Variants in NXPH1 observed in about 807,000 individuals in gnomAD.
The protein encoded by NXPH1 is neurexophilin-1.
Under a neutral mutation model 23.7 loss-of-function variants are expected in NXPH1, and 5 were observed. That is an observed-to-expected ratio of 0.21 (90% CI 0.11 to 0.44). The LOEUF is 0.44. Ranked by LOEUF, NXPH1 falls within the 20% of genes least tolerant of loss-of-function variation. NXPH1 has a pLI of 0.99. For missense variants in NXPH1, 324 were observed against 321.6 expected (o/e 1.01, Z -0.06); for synonymous variants, 144 against 122.2 (o/e 1.18, Z -1.18).
intron 2 of NXPH1, among the ~76,000 whole-genome samples, chr7:8,508,829 G>A (rs1817569597): frequency 6.6e-6 from 1 of 152,048 alleles, no homozygotes; most frequent in African/African-American, 2.4e-5. Flanking sequence ...GTGGAAGGAA[G>A]TTAGGGTCTT....
chr7:8,475,620 T>TG (rs1287493428), intron 2 of NXPH1, among the ~76,000 whole-genome samples: 1 of 152,148 alleles, frequency 6.6e-6, no homozygotes, highest in Non-Finnish European at 1.5e-5. Flanking sequence ...GACTGATTGC[T>TG]GGGGAAAGTT....
chr7:8,715,996 T>C (rs1451473519), intron 2 of NXPH1, among the ~76,000 whole-genome samples: 2 of 152,138 alleles, frequency 1.3e-5, no homozygotes, highest in Admixed American at 6.5e-5. Context: ...CATATATGTG[T>C]ACATATATGT....
chr7:8,656,680 C>T (rs1440958214), intron 2 of NXPH1, among the ~76,000 whole-genome samples: 1 of 151,882 alleles, frequency 6.6e-6, no homozygotes, highest in Non-Finnish European at 1.5e-5. Flanking sequence ...TCTCCCAATG[C>T]TATCCCTCCC....
At chr7:8,461,854 A>AAAAAAAGAG in intron 2 of NXPH1, among the ~76,000 whole-genome samples, 1 of 150,686 alleles carries the variant, frequency 6.6e-6, no homozygotes, top group Non-Finnish European at 1.5e-5. Context: ...AAAAAAAAGA[A>AAAAAAAGAG]TAAACACACA....
intron 2 of NXPH1, among the ~76,000 whole-genome samples, chr7:8,477,269 T>C (rs6944311): frequency 0.59 from 90,033 of 151,986 alleles, 29,223 homozygotes; most frequent in African/African-American, 0.87. Flanking sequence ...TATGCTTGTA[T>C]ACATTGTGTT....
chr7:8,537,512 A>C (rs1375020147), intron 2 of NXPH1, among the ~76,000 whole-genome samples: 1 of 151,926 alleles, frequency 6.6e-6, no homozygotes, highest in Admixed American at 6.6e-5. Context: ...AGATCTCATG[A>C]AAACTCATTC....
intron 2 of NXPH1, among the ~76,000 whole-genome samples, chr7:8,472,053 C>T (rs1816880641): frequency 6.6e-6 from 1 of 151,614 alleles, no homozygotes; most frequent in Non-Finnish European, 1.5e-5. Context: ...AGCAATAAGC[C>T]ATTATTTCAT....
intron 2 of NXPH1, among the ~76,000 whole-genome samples, chr7:8,443,747 G>A (rs1424375558): frequency 6.6e-6 from 1 of 152,224 alleles, no homozygotes; most frequent in African/African-American, 2.4e-5. Context: ...TATTTTCCGT[G>A]GTTAGGCTCG....
chr7:8,516,780 C>G (rs1003230985), intron 2 of NXPH1, among the ~76,000 whole-genome samples: 1 of 152,014 alleles, frequency 6.6e-6, no homozygotes, highest in Non-Finnish European at 1.5e-5. Flanking sequence ...GTTACTTATT[C>G]CCACTCAAAC....
At chr7:8,560,593 C>G (rs574082764) in intron 2 of NXPH1, among the ~76,000 whole-genome samples, 1 of 151,606 alleles carries the variant, frequency 6.6e-6, no homozygotes, top group African/African-American at 2.4e-5. Flanking sequence ...CAATGGGGCC[C>G]TAAGGGAAAA....
intron 2 of NXPH1, among the ~76,000 whole-genome samples, chr7:8,724,024 T>C (rs898904809): frequency 3.3e-5 from 5 of 152,204 alleles, no homozygotes; most frequent in Admixed American, 3.3e-4. Context: ...TAGGTAAGTG[T>C]ATCTGAGCTT....
intron 2 of NXPH1, among the ~76,000 whole-genome samples, chr7:8,492,455 A>T (rs1584191284): frequency 6.6e-6 from 1 of 152,050 alleles, no homozygotes; most frequent in East Asian, 1.9e-4. Context: ...AATCCATTTC[A>T]GGGGATGCTG....
chr7:8,531,828 A>G (rs538428613), intron 2 of NXPH1, among the ~76,000 whole-genome samples: 1 of 152,308 alleles, frequency 6.6e-6, no homozygotes, highest in South Asian at 2.1e-4. Context: ...CTTGCAGCCT[A>G]CAATATGTTC....
chr7:8,511,847 G>A (rs947574135), intron 2 of NXPH1, among the ~76,000 whole-genome samples: 31 of 152,114 alleles, frequency 2.0e-4, no homozygotes, highest in African/African-American at 7.5e-4. Flanking sequence ...GCTTCAATAA[G>A]ACATGGTCCA....
At position 8,524,417 on chromosome 7, in the gene NXPH1, C is replaced by T. The variant is rs558585778; in HGVS notation, c.54+88650C>T. On this transcript the variant is annotated intron_variant, in intron 2 of 2. Transcript: ENST00000405863. ...TACCTCAGGTGGGACTTACAGGAGT[C>T]TTTCTGCAGGATCTGCTTCAGAGGT... Among the ~76,000 whole-genome samples the T allele has an allele frequency of 3.5e-3, 528 of 152,196 alleles. 1 individual carries two copies. The highest frequency in any genetic ancestry group is 0.012 in the African/African-American group (499 of 41,502).
At chr7:8,599,990 G>C (rs981883992) in intron 2 of NXPH1, among the ~76,000 whole-genome samples, 1 of 152,054 alleles carries the variant, frequency 6.6e-6, no homozygotes, top group Admixed American at 6.6e-5. Context: ...GTGGGAGTGA[G>C]AATTATCTGA....
At chr7:8,440,754 T>C (rs936715439) in intron 2 of NXPH1, among the ~76,000 whole-genome samples, 1 of 150,548 alleles carries the variant, frequency 6.6e-6, no homozygotes. Context: ...TTTGATTTTA[T>C]AGGGGGTGGG....
In NXPH1 at chr7:8,552,114, C is replaced by CAA. The variant is rs34390317; in HGVS notation, c.54+116374_54+116375dup. ...CTCCAATTGTCTGCAGAAAAAAAAC[C>CAA]AAAAAAAAAAAAAAAAAAAAAAAAA... On this transcript the variant is annotated intron_variant, in intron 2 of 2. Transcript: ENST00000405863. 1.4e-3 allele frequency among the ~76,000 whole-genome samples: 88 copies of CAA among 61,728 alleles called. 1 individual carries two copies. Among genetic ancestry groups the CAA allele is most frequent in the African/African-American group, 2.6e-3 (37 of 14,316 alleles). 40.5% of individuals were successfully genotyped at this position (61,728 alleles called of 152,430 possible).
At chr7:8,631,847 G>C (rs888293978) in intron 2 of NXPH1, among the ~76,000 whole-genome samples, 3 of 152,044 alleles carry the variant, frequency 2.0e-5, no homozygotes, top group Non-Finnish European at 4.4e-5. Flanking sequence ...AGTGTTGTTA[G>C]GACACAGCAC....
Sources: gnomAD v4.1 joint callset for allele counts (sites outside exome capture counted in the v4.1 genomes callset) on GRCh38, gnomAD v4.1.1 for gene constraint, MANE v1.5 for transcripts, NCBI Gene and HGNC (gene_info 2026-07-23, HGNC 2026-07-21) for gene names.